The following POLK variants were observed in gnomAD, a reference collection of about 807,000 sequenced individuals.
POLK encodes the protein polymerase (DNA directed) kappa.
In POLK, 76 loss-of-function variants were observed where a neutral mutation model predicts 94.0. The ratio of observed to expected loss-of-function variants is 0.81; its 90% confidence interval spans 0.67 to 0.98. The LOEUF is 0.98. POLK is among the 50% of genes least tolerant of loss of function. The probability of loss-of-function intolerance (pLI) is 0.00; values close to 1 mark genes in which losing one functional copy is unlikely to be tolerated. For missense variants in POLK, 954 were observed against 1,010.1 expected, an observed-to-expected ratio of 0.94 and a Z score of 0.75; for synonymous variants, 349 against 325.4, an observed-to-expected ratio of 1.07 and a Z score of -0.78.
exon 15 of POLK, chr5:75,598,078 T>G: frequency 1.5e-6 from 1 of 680,252 alleles, no homozygotes; most frequent in Non-Finnish European, 2.4e-6. Context: ...ATCAATGAAT[T>G]TGTTCTTTCT....
At chr5:75,511,086 G>T (rs1166799876), upstream of POLK, 2 of 1,522,782 alleles carry the variant, frequency 1.3e-6, no homozygotes, top group African/African-American at 2.8e-5. Context: ...CTGGCCAGGG[G>T]TCCCTTGGCA....
intron 1 of POLK, among the ~76,000 whole-genome samples, chr5:75,524,147 A>C (rs931580994): frequency 6.6e-5 from 10 of 152,226 alleles, no homozygotes; most frequent in African/African-American, 2.2e-4. Flanking sequence ...AAAACAACAA[A>C]AAAAAACTTT....
chr5:75,520,943 C>T (rs1012607629), intron 1 of POLK, among the ~76,000 whole-genome samples: 3 of 152,302 alleles, frequency 2.0e-5, no homozygotes, highest in East Asian at 3.9e-4. Flanking sequence ...TCATCCCACT[C>T]TCTCCTGGCT....
At chr5:75,521,810 C>G (rs1768603500) in intron 1 of POLK, among the ~76,000 whole-genome samples, 1 of 151,424 alleles carries the variant, frequency 6.6e-6, no homozygotes, top group Non-Finnish European at 1.5e-5. Context: ...TTTTTTGGCA[C>G]TAGATGGAGG....
intron 1 of POLK, among the ~76,000 whole-genome samples, chr5:75,519,157 A>C (rs1185758524): frequency 6.6e-6 from 1 of 152,230 alleles, no homozygotes; most frequent in East Asian, 1.9e-4. Context: ...AACTTACTCC[A>C]AATTAAATCA....
chr5:75,536,579 T>G (rs1042513473), intron 1 of POLK, among the ~76,000 whole-genome samples: 1 of 151,622 alleles, frequency 6.6e-6, no homozygotes, highest in Admixed American at 6.6e-5. Flanking sequence ...CAGGCATGGC[T>G]CACCTGGCTA....
rs181168212 is a variant in POLK, at chr5:75,531,621, C to T, written c.-13-15389C>T. Among the ~76,000 whole-genome samples the T allele has an allele frequency of 3.0e-3, 457 of 151,936 alleles. 3 individuals carry two copies. Among genetic ancestry groups the T allele is most frequent in the Non-Finnish European group, 4.1e-3 (277 of 67,966 alleles). On this transcript the variant is annotated intron_variant, in intron 1 of 14. Transcript: ENST00000241436. ...CAGCCTGGCCAAGATGGTGAAACCC[C>T]GTCTCTACTAAAAATACAAAAATTA...
intron 1 of POLK, among the ~76,000 whole-genome samples, chr5:75,542,229 A>T (rs568027070): frequency 6.6e-6 from 1 of 152,270 alleles, no homozygotes; most frequent in African/African-American, 2.4e-5. Context: ...TATTTATAGT[A>T]TATTAGAAAT....
chr5:75,572,264 C>T (rs1408227866), intron 4 of POLK, among the ~76,000 whole-genome samples: 1 of 152,148 alleles, frequency 6.6e-6, no homozygotes, highest in East Asian at 1.9e-4. Flanking sequence ...AGTTCCATCT[C>T]CTAGTCAAAA....
At chr5:75,606,501 C>A in the POLK span, among the ~76,000 whole-genome samples, 3 of 99,020 alleles carry the variant, frequency 3.0e-5, no homozygotes, top group East Asian at 2.8e-4. Context: ...GTCCCTGCGG[C>A]CTTCCGCAGT....
intron 1 of POLK, among the ~76,000 whole-genome samples, chr5:75,525,681 T>G (rs1336177437): frequency 6.6e-6 from 1 of 152,074 alleles, no homozygotes; most frequent in Non-Finnish European, 1.5e-5. Context: ...GAACAACAAT[T>G]TGAGTGATCA....
chr5:75,580,557 C>T, intron 6 of POLK: 1 of 830,730 alleles, frequency 1.2e-6, no homozygotes. Context: ...TCCAATCAGA[C>T]CTTCAGAATT....
intron 3 of POLK, among the ~76,000 whole-genome samples, chr5:75,562,907 T>C (rs1022886885): frequency 4.6e-5 from 7 of 152,222 alleles, no homozygotes; most frequent in African/African-American, 1.7e-4. Context: ...CTGGATTTGG[T>C]TTGCCAGTAT....
At chr5:75,608,034 A>C in the POLK span, among the ~76,000 whole-genome samples, 1 of 152,094 alleles carries the variant, frequency 6.6e-6, no homozygotes, top group Non-Finnish European at 1.5e-5. Context: ...AATTGAACAT[A>C]TTTTTTTAGT....
At chr5:75,604,968 C>T (rs986852766), downstream of POLK, among the ~76,000 whole-genome samples, 1 of 152,112 alleles carries the variant, frequency 6.6e-6, no homozygotes, top group Non-Finnish European at 1.5e-5. Flanking sequence ...CTTACCAGTA[C>T]GAGGTAATTG....
chr5:75,529,832 A>G (rs1490015751), intron 1 of POLK, among the ~76,000 whole-genome samples: 1 of 152,192 alleles, frequency 6.6e-6, no homozygotes, highest in African/African-American at 2.4e-5. Context: ...GTATAAGTAC[A>G]TACATATAAT....
At chr5:75,545,823 G>A (rs759851897) in intron 1 of POLK, among the ~76,000 whole-genome samples, 3 of 152,102 alleles carry the variant, frequency 2.0e-5, no homozygotes, top group Admixed American at 6.5e-5. Context: ...TCATGCCTGG[G>A]TTCCAACACA....
At chr5:75,572,121 A>C (rs1490282883) in intron 4 of POLK, among the ~76,000 whole-genome samples, 1 of 152,216 alleles carries the variant, frequency 6.6e-6, no homozygotes, top group Non-Finnish European at 1.5e-5. Flanking sequence ...ATTCTAAATA[A>C]GGATTTAATT....
chr5:75,572,039 G>A (rs574801487), intron 4 of POLK, among the ~76,000 whole-genome samples: 12 of 152,126 alleles, frequency 7.9e-5, no homozygotes, highest in South Asian at 2.1e-4. Context: ...ATCATTAGAC[G>A]AAAATTCATA....
Sources: gnomAD v4.1 joint callset for allele counts (sites outside exome capture counted in the v4.1 genomes callset) on GRCh38, gnomAD v4.1.1 for gene constraint, MANE v1.5 for transcripts, NCBI Gene and HGNC (gene_info 2026-07-23, HGNC 2026-07-21) for gene names.